The following CHAT variants were observed in gnomAD, a reference collection of about 807,000 sequenced individuals.
CHAT encodes choline O-acetyltransferase.
Under a neutral mutation model 76.9 loss-of-function variants are expected in CHAT, and 61 were observed. The ratio of observed to expected loss-of-function variants is 0.79; its 90% confidence interval spans 0.65 to 0.98. CHAT has a LOEUF of 0.98. Among genes scored for constraint, CHAT ranks in the 50% least tolerant of loss-of-function variants. CHAT has a pLI of 0.00. For missense variants in CHAT, 946 were observed against 986.9 expected (o/e 0.96, Z 0.56); for synonymous variants, 407 against 397.4 (o/e 1.02, Z -0.29).
chr10:49,625,208 T>G (rs756188954), intron 5 of CHAT, among the ~76,000 whole-genome samples: 3 of 152,084 alleles, frequency 2.0e-5, no homozygotes, highest in Admixed American at 1.3e-4. Flanking sequence ...TAAGCAAAGA[T>G]GCAGAAGGCT....
chr10:49,660,844 C>T (rs1445368290), intron 13 of CHAT, among the ~76,000 whole-genome samples: 1 of 151,982 alleles, frequency 6.6e-6, no homozygotes, highest in Non-Finnish European at 1.5e-5. Flanking sequence ...TGTGGTTGGA[C>T]ATGGAGGGTA....
At position 49,665,133 on chromosome 10, in the gene CHAT, T is replaced by C; in HGVS notation, c.*87T>C. The C allele has an allele frequency of 7.0e-7, 1 of 1,431,142 alleles. No homozygotes were observed. The highest frequency in any genetic ancestry group is 1.2e-5 in the South Asian group (1 of 86,908). The allele number at this position is 1,431,142 out of a possible 1,614,324, so 88.7% of individuals were successfully genotyped here. A position where few individuals can be genotyped will look rare whatever the true frequency, so the allele number is the denominator to read the frequency against. On this transcript the variant is annotated 3_prime_UTR_variant, in exon 15 of 15. Transcript: ENST00000337653. ...CCCACTCCCGTCCCTTACCCCAGCT[T>C]TCCACAGCTCCCTGTCCTCAGGGTC... is the stretch of plus-strand genomic sequence containing the variant.
At chr10:49,659,157 T>C (rs1453606141) in intron 13 of CHAT, among the ~76,000 whole-genome samples, 1 of 152,180 alleles carries the variant, frequency 6.6e-6, no homozygotes, top group African/African-American at 2.4e-5. Flanking sequence ...ACAGCATCAT[T>C]GGAAGGTGGA....
At chr10:49,624,055 G>A (rs12784775) in intron 5 of CHAT, among the ~76,000 whole-genome samples, 19,673 of 152,144 alleles carry the variant, frequency 0.13, 1,526 homozygotes, top group Non-Finnish European at 0.19. Flanking sequence ...ACTGCACCAA[G>A]AATAAGGCGA....
At position 49,616,606 on chromosome 10, in the gene CHAT, A is replaced by T; in HGVS notation, c.387+4A>T. 2 of 1,598,400 alleles carry T rather than the reference A, an allele frequency of 1.3e-6. No individual in the cohort carries two copies. Among genetic ancestry groups the T allele is most frequent in the Non-Finnish European group, 1.7e-6 (2 of 1,168,918 alleles). ...AACTCCCAGCAGTGAGGAGTCTGTG[A>T]GTGACTTTTGGAGCCCTCTCTCAAC... On this transcript the variant is annotated splice_donor_region_variant and intron_variant, in intron 2 of 14. Coordinates refer to ENST00000337653, the MANE Select transcript of CHAT (RefSeq NM_020549.5).
chr10:49,648,603 C>T lies in CHAT; in HGVS notation c.1378C>T (p.His460Tyr). 2 of 1,610,058 alleles carry T rather than the reference C, an allele frequency of 1.2e-6. No individual in the cohort carries two copies. Among genetic ancestry groups the T allele is most frequent in the Non-Finnish European group, 1.7e-6 (2 of 1,176,844 alleles). ...GCAGTGCACTGAGCATCTGCTCAAG[C>T]ACGTGTGAGTCTGGATCCCAGGGCT... ...LVQCTEHLLK[H>Y]VTQSSRKLIR... The change falls in exon 9 of 15, where the codon CAC becomes TAC. Residue 460 changes from histidine to tyrosine, a missense_variant. Physicochemically the swap from His to Tyr is moderately conservative, Grantham distance 83 (BLOSUM62 2). Coordinates refer to ENST00000337653, the MANE Select transcript of CHAT (RefSeq NM_020549.5).
At chr10:49,664,670 G>T in intron 14 of CHAT, 107 bp from the exon 15 acceptor site, 3 of 1,319,042 alleles carry the variant, frequency 2.3e-6, no homozygotes, top group Non-Finnish European at 3.3e-6. Context: ...CACTTGATTT[G>T]GTTAATTCAG....
intron 13 of CHAT, among the ~76,000 whole-genome samples, chr10:49,657,498 G>T (rs1840070252): frequency 6.6e-6 from 1 of 152,044 alleles, no homozygotes; most frequent in Admixed American, 6.6e-5. Flanking sequence ...ACCACCCCAG[G>T]CAGCCAGGCT....
intron 14 of CHAT, among the ~76,000 whole-genome samples, chr10:49,663,806 G>A (rs563437865): frequency 6.6e-5 from 10 of 152,358 alleles, no homozygotes; most frequent in African/African-American, 2.4e-4. Context: ...GTGAATAAAC[G>A]AGGACAGAAC....
intron 14 of CHAT, among the ~76,000 whole-genome samples, chr10:49,663,523 C>T (rs1272098578): frequency 5.3e-5 from 8 of 152,194 alleles, no homozygotes; most frequent in African/African-American, 1.9e-4. Context: ...TAAAGGGCCA[C>T]GCAACCAACA....
intron 11 of CHAT, among the ~76,000 whole-genome samples, chr10:49,653,915 T>C (rs1308059400): frequency 3.9e-5 from 6 of 152,238 alleles, no homozygotes; most frequent in Non-Finnish European, 7.3e-5. Flanking sequence ...CCCCTCCTCC[T>C]CCTGCCTGTG....
rs1009438082 is a variant in CHAT, at chr10:49,623,091, G to A, written c.752+941G>A. 5.3e-5 allele frequency among the ~76,000 whole-genome samples: 8 copies of A among 152,258 alleles called. No individual in the cohort carries two copies. In the East Asian group the frequency reaches 1.5e-3, roughly 29 times the overall value. The stretch of plus-strand genomic sequence containing the variant: ...GTGCTCTGCTCACTCCTCTCTAAAT[G>A]CCATGGGTCACTAGGCCCTGGGCTG... On this transcript the variant is annotated intron_variant, in intron 5 of 14. Transcript: ENST00000337653.
upstream of CHAT, chr10:49,610,925 C>T (rs1229040718): frequency 6.2e-7 from 1 of 1,611,272 alleles, no homozygotes. Context: ...GACTACATCG[C>T]CCACATGCGC....
At chr10:49,649,342 G>C (rs1022164690) in intron 9 of CHAT, among the ~76,000 whole-genome samples, 166 bp from the exon 10 acceptor site, 1 of 152,204 alleles carries the variant, frequency 6.6e-6, no homozygotes, top group Non-Finnish European at 1.5e-5. Context: ...TGGCCTCTCT[G>C]AGCCTCAGTT....
chr10:49,612,359 G>C (rs770800996), upstream of CHAT: 17 of 1,562,656 alleles, frequency 1.1e-5, no homozygotes, highest in South Asian at 1.8e-4. Context: ...TCCTCCTCCA[G>C]CCCACCCAAC....
At chr10:49,610,170 C>A (rs1037837697), upstream of CHAT, 1 of 152,324 alleles carries the variant, frequency 6.6e-6, no homozygotes, top group Non-Finnish European at 1.5e-5. Flanking sequence ...CCCGGCCACG[C>A]CCCGCCCCCG....
chr10:49,643,059 C>T (rs1330685594), intron 7 of CHAT, among the ~76,000 whole-genome samples: 1 of 152,236 alleles, frequency 6.6e-6, no homozygotes, highest in East Asian at 1.9e-4. Flanking sequence ...TGATTATTAT[C>T]ATCCGTGTTT....
intron 6 of CHAT, among the ~76,000 whole-genome samples, chr10:49,626,189 C>A (rs116852087): frequency 6.6e-6 from 1 of 152,144 alleles, no homozygotes; most frequent in Admixed American, 6.5e-5. Context: ...CTGGGTCTGG[C>A]CAGTGCCCTA....
intron 13 of CHAT, among the ~76,000 whole-genome samples, chr10:49,660,704 T>G (rs1284541648): frequency 6.6e-6 from 1 of 152,180 alleles, no homozygotes. Context: ...TTAAAATGTC[T>G]AGGAAAACAC....
Sources: allele counts gnomAD v4.1 joint callset (sites outside exome capture counted in the v4.1 genomes callset), GRCh38; gene constraint gnomAD v4.1.1; transcripts MANE v1.5; gene names NCBI Gene and HGNC (gene_info 2026-07-23, HGNC 2026-07-21).